The following DNAH11 variants were observed in gnomAD, a reference collection of about 807,000 sequenced individuals.
The protein encoded by DNAH11 is axonemal beta dynein heavy chain 11.
A neutral mutation model predicts 526.0 loss-of-function variants in DNAH11; 442 were observed. That is an observed-to-expected ratio of 0.84 (90% CI 0.78 to 0.91). The LOEUF (loss-of-function observed/expected upper bound fraction) is 0.91, where lower values mean the gene tolerates loss of function less well. Ranked by LOEUF, DNAH11 falls within the 40% of genes least tolerant of loss-of-function variation. DNAH11 has a pLI of 0.00. For synonymous variants in DNAH11, 2,461 were observed against 1,935.9 expected (o/e 1.27, Z -7.12); for missense variants, 6,989 against 5,448.7 (o/e 1.28, Z -8.90).
chr7:21,724,956 A>C (rs899196385), intron 44 of DNAH11, among the ~76,000 whole-genome samples: 28 of 152,140 alleles, frequency 1.8e-4, no homozygotes, highest in Non-Finnish European at 3.2e-4. Flanking sequence ...TCACTGGGAC[A>C]GGTCATCCTG....
intron 69 of DNAH11, 31 bp downstream of exon 69, chr7:21,862,054 C>A: frequency 6.3e-7 from 1 of 1,585,114 alleles, no homozygotes; most frequent in African/African-American, 1.4e-5. Context: ...AAAAAGGATC[C>A]CCAGAACCAA....
intron 79 of DNAH11, among the ~76,000 whole-genome samples, chr7:21,895,766 C>G (rs897078478): frequency 1.4e-4 from 22 of 152,260 alleles, no homozygotes; most frequent in Admixed American, 2.6e-4. Context: ...GTCTCACTCT[C>G]TCGCCCAGGC....
intron 74 of DNAH11, among the ~76,000 whole-genome samples, chr7:21,874,555 C>T (rs543201810): frequency 1.3e-5 from 2 of 151,626 alleles, no homozygotes; most frequent in Admixed American, 6.6e-5. Context: ...AGGCTGGTCT[C>T]GAACTCCTGA....
intron 32 of DNAH11, among the ~76,000 whole-genome samples, chr7:21,684,944 C>T (rs936707798): frequency 1.3e-5 from 2 of 152,178 alleles, no homozygotes; most frequent in African/African-American, 2.4e-5. Context: ...CCCAATTATC[C>T]ACTATCACCG....
chr7:21,588,042 G>C, intron 9 of DNAH11, 22 bp from the exon 10 acceptor site: 1 of 1,610,692 alleles, frequency 6.2e-7, no homozygotes, highest in Non-Finnish European at 8.5e-7. Flanking sequence ...GCTTAATGTT[G>C]CCTTCACTTT....
intron 66 of DNAH11, chr7:21,851,661 A>G (rs1223103234): frequency 1.3e-5 from 6 of 471,084 alleles, no homozygotes; most frequent in Admixed American, 2.3e-5. Context: ...AAAGAAGTGT[A>G]GAGACTACGA....
chr7:21,543,841 G>C, intron 1 of DNAH11: 1 of 551,170 alleles, frequency 1.8e-6, no homozygotes, highest in Non-Finnish European at 3.2e-6. Flanking sequence ...CGTTGAGCCT[G>C]TTCGACCAGG....
At chr7:21,596,173 G>C (rs1482291379) in intron 14 of DNAH11, among the ~76,000 whole-genome samples, 1 of 152,166 alleles carries the variant, frequency 6.6e-6, no homozygotes, top group Non-Finnish European at 1.5e-5. Context: ...CTTTGTTTCT[G>C]TCTTCTTTGA....
At chr7:21,729,787 A>G (rs1380852094) in intron 45 of DNAH11, among the ~76,000 whole-genome samples, 2 of 152,160 alleles carry the variant, frequency 1.3e-5, no homozygotes, top group East Asian at 3.9e-4. Context: ...CTTCAATGCA[A>G]TCTAGGCATT....
At chr7:21,627,279 T>C (rs1236055788) in intron 25 of DNAH11, among the ~76,000 whole-genome samples, 3 of 152,178 alleles carry the variant, frequency 2.0e-5, no homozygotes, top group African/African-American at 7.2e-5. Context: ...TGTCTTGGCA[T>C]GATCCTGTTT....
chr7:21,857,982 G>T (rs1400539030), intron 68 of DNAH11, among the ~76,000 whole-genome samples: 2 of 151,932 alleles, frequency 1.3e-5, no homozygotes, highest in Non-Finnish European at 2.9e-5. Context: ...AGATGAAAAG[G>T]TAGGCCACAG....
chr7:21,765,629 CA>C, intron 55 of DNAH11, 40 bp downstream of exon 55: 1 of 1,140,326 alleles, frequency 8.8e-7, no homozygotes. Context: ...CACACACACA[CA>C]CACACACACA....
Position 21,738,680 on chromosome 7 carries a change from A to C in DNAH11, c.7646-21A>C, listed in dbSNP as rs371976238. On this transcript the variant is annotated intron_variant, in intron 46 of 81. Coordinates refer to ENST00000409508, the MANE Select transcript of DNAH11 (RefSeq NM_001277115.2). The stretch of plus-strand genomic sequence containing the variant: ...ATTTACATTCTGTTGATGGGTGGAC[A>C]GAAATATATGTTTATTTCAGAAATT... 5.4e-4 allele frequency: 840 copies of C among 1,544,162 alleles called. 1 individual carries two copies. The highest frequency in any genetic ancestry group is 7.1e-4 in the Non-Finnish European group (819 of 1,145,960).
rs576834664 is a variant in DNAH11 at position 21,731,317 on chromosome 7, AAATTT to A, written c.7441-4318_7441-4314del. Reference sequence around the variant, plus strand: ...GCATATTTTAGCTCTGTGATCCAAAAAATTTAATTATAGTTGTAACCTGGAGAAAC... The same window carrying A: ...GCATATTTTAGCTCTGTGATCCAAAAAATTATAGTTGTAACCTGGAGAAAC... On this transcript the variant is annotated intron_variant, in intron 45 of 81. Coordinates refer to ENST00000409508, the MANE Select transcript of DNAH11 (RefSeq NM_001277115.2). 1.8e-3 allele frequency among the ~76,000 whole-genome samples: 271 copies of A among 152,318 alleles called. 1 individual carries two copies. The highest frequency in any genetic ancestry group is 6.3e-3 in the African/African-American group (261 of 41,566).
intron 12 of DNAH11, among the ~76,000 whole-genome samples, chr7:21,590,328 C>T (rs755226832): frequency 2.6e-5 from 4 of 152,120 alleles, no homozygotes; most frequent in African/African-American, 4.8e-5. Context: ...TTCTATTTAC[C>T]ACCATGGGTA....
chr7:21,788,095 A>T (rs1036694984), intron 60 of DNAH11, among the ~76,000 whole-genome samples: 4 of 152,174 alleles, frequency 2.6e-5, no homozygotes, highest in African/African-American at 9.7e-5. Flanking sequence ...GAGATAGATT[A>T]TACTTTCATG....
intron 8 of DNAH11, among the ~76,000 whole-genome samples, 167 bp from the exon 9 acceptor site, chr7:21,581,738 G>C (rs1215560253): frequency 6.6e-6 from 1 of 152,018 alleles, no homozygotes; most frequent in East Asian, 1.9e-4. Context: ...CAGTCAGTCA[G>C]ATATAGCTCT....
At chr7:21,613,948 T>TTTTTTTG (rs1785648498) in intron 20 of DNAH11, among the ~76,000 whole-genome samples, 1 of 150,106 alleles carries the variant, frequency 6.7e-6, no homozygotes, top group Admixed American at 6.7e-5. Flanking sequence ...TTTTTTTTTT[T>TTTTTTTG]GCACTTTTAA....
At chr7:21,589,934 A>G (rs898720277) in intron 12 of DNAH11, among the ~76,000 whole-genome samples, 23 of 152,184 alleles carry the variant, frequency 1.5e-4, no homozygotes, top group African/African-American at 4.8e-4. Context: ...CAAAGGGACA[A>G]TAAGCTTGTA....
Sources: allele counts gnomAD v4.1 joint callset (sites outside exome capture counted in the v4.1 genomes callset), GRCh38; gene constraint gnomAD v4.1.1; transcripts MANE v1.5; gene names NCBI Gene and HGNC (gene_info 2026-07-23, HGNC 2026-07-21).